Variants in CTNND2 observed in about 807,000 individuals in gnomAD.
The protein encoded by CTNND2 is catenin delta-2.
A neutral mutation model predicts 144.4 loss-of-function variants in CTNND2; 22 were observed. The ratio of observed to expected loss-of-function variants is 0.15; its 90% confidence interval spans 0.11 to 0.22. The LOEUF (loss-of-function observed/expected upper bound fraction) is 0.22, where lower values mean the gene tolerates loss of function less well. CTNND2 is among the 10% of genes least tolerant of loss of function. CTNND2 has a pLI of 1.00. For synonymous variants in CTNND2, 751 were observed against 695.6 expected, an observed-to-expected ratio of 1.08 and a Z score of -1.25; for missense variants, 1,353 against 1,618.8, an observed-to-expected ratio of 0.84 and a Z score of 2.82.
At chr5:11,537,853 A>C (rs1012551271) in intron 3 of CTNND2, among the ~76,000 whole-genome samples, 2 of 152,212 alleles carry the variant, frequency 1.3e-5, no homozygotes, top group East Asian at 1.9e-4. Flanking sequence ...CTACTTTATA[A>C]ATTTTTTTCA....
chr5:11,273,103 T>G (rs1746185745), intron 9 of CTNND2, among the ~76,000 whole-genome samples: 1 of 152,212 alleles, frequency 6.6e-6, no homozygotes, highest in Admixed American at 6.5e-5. Context: ...AATAGTTTTG[T>G]GAAAATGTGT....
chr5:11,171,362 A>C (rs978284082), intron 11 of CTNND2, among the ~76,000 whole-genome samples: 1 of 152,242 alleles, frequency 6.6e-6, no homozygotes, highest in African/African-American at 2.4e-5. Flanking sequence ...CAGACATTCT[A>C]ATAAGAGATT....
chr5:11,332,169 G>A (rs965895433), intron 9 of CTNND2, among the ~76,000 whole-genome samples: 3 of 151,886 alleles, frequency 2.0e-5, no homozygotes, highest in Non-Finnish European at 4.4e-5. Flanking sequence ...CAGCTACTTG[G>A]GAGGCTGAGG....
At chr5:11,687,590 C>T (rs1784713596) in intron 2 of CTNND2, among the ~76,000 whole-genome samples, 1 of 152,200 alleles carries the variant, frequency 6.6e-6, no homozygotes, top group African/African-American at 2.4e-5. Flanking sequence ...TGAGGATCAT[C>T]AAGTGTATGA....
At chr5:11,825,106 GA>G (rs1238074608) in intron 1 of CTNND2, among the ~76,000 whole-genome samples, 4 of 151,060 alleles carry the variant, frequency 2.6e-5, no homozygotes, top group Non-Finnish European at 3.0e-5. Context: ...AACTCAAAAA[GA>G]AAAAAAACTA....
chr5:11,047,369 ATT>A (rs901362561), intron 16 of CTNND2, among the ~76,000 whole-genome samples: 41 of 152,260 alleles, frequency 2.7e-4, no homozygotes, highest in African/African-American at 9.9e-4. Flanking sequence ...TGCCTTTTGT[ATT>A]GTTTTCCCAC....
At chr5:11,868,146 AG>A (rs1795862084) in intron 1 of CTNND2, among the ~76,000 whole-genome samples, 2 of 151,978 alleles carry the variant, frequency 1.3e-5, no homozygotes, top group African/African-American at 4.8e-5. Context: ...ACGCATGCGC[AG>A]GGGTGTCCCT....
chr5:11,438,923 G>A (rs751140187), intron 3 of CTNND2, among the ~76,000 whole-genome samples: 5 of 151,990 alleles, frequency 3.3e-5, no homozygotes, highest in Admixed American at 1.3e-4. Flanking sequence ...TCAACATAGC[G>A]ATTAAAAAGT....
chr5:11,185,552 T>C (rs1400382342), intron 11 of CTNND2, among the ~76,000 whole-genome samples: 1 of 152,246 alleles, frequency 6.6e-6, no homozygotes, highest in African/African-American at 2.4e-5. Flanking sequence ...TCCCTGGGGA[T>C]GGCACACAGT....
intron 2 of CTNND2, among the ~76,000 whole-genome samples, chr5:11,661,534 C>T (rs182749550): frequency 2.1e-4 from 32 of 152,194 alleles, no homozygotes; most frequent in Admixed American, 3.9e-4. Flanking sequence ...ACCTATGTGA[C>T]GAAATGGCTT....
intron 9 of CTNND2, among the ~76,000 whole-genome samples, chr5:11,295,940 GA>G (rs1479116349): frequency 6.6e-6 from 1 of 151,874 alleles, no homozygotes; most frequent in Non-Finnish European, 1.5e-5. Flanking sequence ...CTTCATGTCT[GA>G]AACACCAAAA....
intron 21 of CTNND2, among the ~76,000 whole-genome samples, chr5:10,980,448 G>A (rs963562151): frequency 1.3e-5 from 2 of 152,194 alleles, no homozygotes; most frequent in Admixed American, 1.3e-4. Context: ...ACTGTTGGTG[G>A]GAGTGTAAAT....
intron 19 of CTNND2, among the ~76,000 whole-genome samples, chr5:10,991,628 G>A (rs1738689715): frequency 6.6e-6 from 1 of 152,136 alleles, no homozygotes; most frequent in Admixed American, 6.5e-5. Flanking sequence ...TAAAAATCAA[G>A]TATTTTTACG....
intron 9 of CTNND2, among the ~76,000 whole-genome samples, chr5:11,237,646 A>C (rs760615977): frequency 4.6e-5 from 7 of 152,152 alleles, no homozygotes; most frequent in Non-Finnish European, 8.8e-5. Flanking sequence ...GGTTACAGGC[A>C]TGTGTCACCA....
intron 10 of CTNND2, among the ~76,000 whole-genome samples, chr5:11,235,811 T>C (rs574453004): frequency 6.6e-6 from 1 of 152,210 alleles, no homozygotes; most frequent in Non-Finnish European, 1.5e-5. Context: ...TAAAAAGCCA[T>C]GAGGCTATGT....
At chr5:11,342,501 A>T (rs1273037143) in intron 9 of CTNND2, among the ~76,000 whole-genome samples, 1 of 152,212 alleles carries the variant, frequency 6.6e-6, no homozygotes, top group African/African-American at 2.4e-5. Flanking sequence ...ATTGCAAATC[A>T]CATTCATAAA....
In CTNND2 at chr5:11,125,243, G is replaced by A. The variant is rs879057201; in HGVS notation, c.2160-7676C>T. 2.6e-5 allele frequency among the ~76,000 whole-genome samples: 4 copies of A among 152,316 alleles called. No homozygotes were observed. In the South Asian group the frequency reaches 6.2e-4, roughly 24 times the overall value. Reference sequence around the variant, plus strand: ...CACAGCCTCTCTCTCTAGGTGCAGAGGTTGCAGGGCTAGGGGGGCAGCATG... The same window carrying A: ...CACAGCCTCTCTCTCTAGGTGCAGAAGTTGCAGGGCTAGGGGGGCAGCATG... On this transcript the variant is annotated intron_variant, in intron 12 of 21. Transcript: ENST00000304623.
chr5:11,652,688 AG>A (rs1782705608), intron 2 of CTNND2, among the ~76,000 whole-genome samples: 1 of 152,222 alleles, frequency 6.6e-6, no homozygotes, highest in Non-Finnish European at 1.5e-5. Context: ...ACCACAATTA[AG>A]CTAATTAACA....
intron 1 of CTNND2, among the ~76,000 whole-genome samples, chr5:11,756,420 G>A (rs770401731): frequency 6.6e-6 from 1 of 151,612 alleles, no homozygotes; most frequent in Admixed American, 6.6e-5. Context: ...AATTCATAGT[G>A]CCATTATAAA....
Sources: allele counts gnomAD v4.1 joint callset (sites outside exome capture counted in the v4.1 genomes callset), GRCh38; gene constraint gnomAD v4.1.1; transcripts MANE v1.5; gene names NCBI Gene and HGNC (gene_info 2026-07-23, HGNC 2026-07-21).